EGFR: variants seen among roughly 807,000 people sequenced by gnomAD.
EGFR encodes the protein avian erythroblastic leukemia viral (v-erb-b) oncogene homolog.
A neutral mutation model predicts 143.0 loss-of-function variants in EGFR; 58 were observed. The ratio of observed to expected loss-of-function variants is 0.41; its 90% CI spans 0.33 to 0.50. EGFR has a LOEUF of 0.50. Ranked by LOEUF, EGFR falls within the 20% of genes least tolerant of loss-of-function variation. The pLI is 0.39. For synonymous variants in EGFR, 613 were observed against 594.4 expected (o/e 1.03, Z -0.45); for missense variants, 1,307 against 1,579.0 (o/e 0.83, Z 2.92).
At chr7:55,170,761 C>T in intron 15 of EGFR, 1 of 1,454,212 alleles carries the variant, frequency 6.9e-7, no homozygotes. Context: ...TGTCAGAAAC[C>T]TGCAGGGACT....
chr7:55,143,554 C>A (rs970984875), intron 3 of EGFR, 66 bp downstream of exon 3: 16 of 1,569,926 alleles, frequency 1.0e-5, no homozygotes, highest in Non-Finnish European at 1.1e-5. Flanking sequence ...TGGCTCCCAG[C>A]GAGCTTGTCA....
chr7:55,172,701 C>G, intron 16 of EGFR: 1 of 673,272 alleles, frequency 1.5e-6, no homozygotes, highest in Non-Finnish European at 2.4e-6. Flanking sequence ...TGTTAATCAA[C>G]AAATTGAAAA....
intron 1 of EGFR, among the ~76,000 whole-genome samples, chr7:55,098,729 A>C (rs1031215287): frequency 2.0e-5 from 3 of 152,260 alleles, no homozygotes; most frequent in Admixed American, 6.5e-5. Context: ...GTCATCAAAC[A>C]GATAGTAAGA....
intron 13 of EGFR, among the ~76,000 whole-genome samples, chr7:55,163,194 C>T (rs1182201458): frequency 7.9e-5 from 12 of 152,252 alleles, no homozygotes; most frequent in Non-Finnish European, 7.3e-5. Flanking sequence ...AACAGCCGTA[C>T]ATCTGTTCTG....
At chr7:55,182,538 C>T (rs1390707843) in intron 20 of EGFR, 3 of 152,212 alleles carry the variant, frequency 2.0e-5, no homozygotes, top group Non-Finnish European at 4.4e-5. Flanking sequence ...CCCTTGACAC[C>T]ACCAGGCAGG....
chr7:55,198,904 C>T (rs2128969016), intron 23 of EGFR, 41 bp downstream of exon 23: 1 of 1,612,550 alleles, frequency 6.2e-7, no homozygotes, highest in Non-Finnish European at 8.5e-7. Flanking sequence ...CTAGCTGAGC[C>T]TTGGTGGCTG....
chr7:55,202,028 A>G (rs1005937934), intron 26 of EGFR, among the ~76,000 whole-genome samples: 4 of 152,108 alleles, frequency 2.6e-5, no homozygotes, highest in Non-Finnish European at 5.9e-5. Flanking sequence ...AGTTTGACCA[A>G]ATCAGGACCT....
intron 1 of EGFR, among the ~76,000 whole-genome samples, chr7:55,061,409 T>C (rs1381020506): frequency 1.3e-5 from 2 of 152,170 alleles, no homozygotes; most frequent in Non-Finnish European, 2.9e-5. Context: ...TTTGTGTCTG[T>C]ATCAGTACAA....
At chr7:55,200,257 C>A (rs2128969671) in intron 23 of EGFR, 59 bp from the exon 24 acceptor site, 1 of 1,487,704 alleles carries the variant, frequency 6.7e-7, no homozygotes, top group Non-Finnish European at 9.4e-7. Context: ...TAAGCAATGC[C>A]ATCTTTATCA....
intron 1 of EGFR, among the ~76,000 whole-genome samples, chr7:55,103,136 T>C (rs539221420): frequency 6.6e-6 from 1 of 152,324 alleles, no homozygotes; most frequent in Admixed American, 6.5e-5. Context: ...CAGTATTTTC[T>C]TCCTCAGGAG....
At chr7:55,158,104 T>C (rs533117297) in intron 11 of EGFR, among the ~76,000 whole-genome samples, 1 of 152,350 alleles carries the variant, frequency 6.6e-6, no homozygotes, top group Non-Finnish European at 1.5e-5. Flanking sequence ...AACGTGTGGG[T>C]CAGGTACTTT....
At chr7:55,196,636 G>A (rs1787630393) in intron 22 of EGFR, among the ~76,000 whole-genome samples, 1 of 151,972 alleles carries the variant, frequency 6.6e-6, no homozygotes, top group Admixed American at 6.6e-5. Flanking sequence ...TGTCTTCCAG[G>A]GTTTTTATAG....
intron 22 of EGFR, among the ~76,000 whole-genome samples, chr7:55,194,164 C>G (rs1467521367): frequency 6.6e-6 from 1 of 152,108 alleles, no homozygotes; most frequent in Non-Finnish European, 1.5e-5. Context: ...CTGCTGGTCT[C>G]CCCTCTTCCC....
intron 1 of EGFR, among the ~76,000 whole-genome samples, chr7:55,074,966 C>T (rs532199668): frequency 6.8e-4 from 104 of 152,174 alleles, no homozygotes; most frequent in Non-Finnish European, 9.4e-4. Context: ...CAATCACATT[C>T]ATGGAAAATC....
chr7:55,183,476 G>A (rs1334485681), intron 20 of EGFR, among the ~76,000 whole-genome samples: 18 of 152,164 alleles, frequency 1.2e-4, no homozygotes, highest in Admixed American at 1.1e-3. Context: ...TTCCAAATAA[G>A]GTCACATTCT....
chr7:55,108,275 C>A (rs986841519), intron 1 of EGFR, among the ~76,000 whole-genome samples: 8 of 152,216 alleles, frequency 5.3e-5, no homozygotes, highest in African/African-American at 1.9e-4. Context: ...TGACTTAGAA[C>A]TTATAACTCA....
intron 27 of EGFR, 74 bp from the exon 28 acceptor site, chr7:55,205,182 G>A (rs2128974931): frequency 1.9e-6 from 3 of 1,584,898 alleles, no homozygotes; most frequent in Non-Finnish European, 2.6e-6. Flanking sequence ...CATTCACAGG[G>A]TTCAGAACCC....
chr7:55,127,384 G>A (rs779478880), intron 1 of EGFR, among the ~76,000 whole-genome samples: 26 of 152,032 alleles, frequency 1.7e-4, no homozygotes, highest in Non-Finnish European at 1.8e-4. Flanking sequence ...CTTTTTCCAC[G>A]AAAGGAAGTG....
intron 20 of EGFR, among the ~76,000 whole-genome samples, chr7:55,191,325 C>T (rs1787383209): frequency 6.6e-6 from 1 of 152,142 alleles, no homozygotes; most frequent in Non-Finnish European, 1.5e-5. Context: ...CATTCCTTTG[C>T]ACCAGCTTGG....
Sources: gnomAD v4.1 joint callset for allele counts (sites outside exome capture counted in the v4.1 genomes callset) on GRCh38, gnomAD v4.1.1 for gene constraint, MANE v1.5 for transcripts, NCBI Gene and HGNC (gene_info 2026-07-23, HGNC 2026-07-21) for gene names.